SHISA9: variants seen among roughly 807,000 people sequenced by gnomAD.
SHISA9 encodes the protein protein shisa-9.
In SHISA9, 13 loss-of-function variants were observed where a neutral mutation model predicts 38.0. The ratio of observed to expected loss-of-function variants is 0.34; its 90% confidence interval spans 0.22 to 0.54. The LOEUF is 0.54. Among genes scored for constraint, SHISA9 ranks in the 20% least tolerant of loss-of-function variants. The probability of loss-of-function intolerance (pLI) is 0.91; values close to 1 mark genes in which losing one functional copy is unlikely to be tolerated. For missense variants in SHISA9, 538 were observed against 575.8 expected (o/e 0.93, Z 0.67); for synonymous variants, 275 against 242.0 (o/e 1.14, Z -1.27).
At chr16:12,922,701 A>G (rs1273169504) in intron 2 of SHISA9, among the ~76,000 whole-genome samples, 3 of 151,976 alleles carry the variant, frequency 2.0e-5, no homozygotes, top group Non-Finnish European at 4.4e-5. Flanking sequence ...TGTATTTTTA[A>G]TAGAGATGGA....
chr16:12,991,853 G>A (rs2072390636), intron 2 of SHISA9, among the ~76,000 whole-genome samples: 1 of 151,962 alleles, frequency 6.6e-6, no homozygotes, highest in South Asian at 2.1e-4. Context: ...TAATAGTCAT[G>A]CATTTATTTT....
the SHISA9 span, among the ~76,000 whole-genome samples, chr16:13,434,160 G>A: frequency 6.6e-6 from 1 of 152,160 alleles, no homozygotes; most frequent in Non-Finnish European, 1.5e-5. Flanking sequence ...CGGCACGGGA[G>A]AAAGATGGAG....
chr16:13,355,482 T>C, the SHISA9 span, among the ~76,000 whole-genome samples: 1 of 151,844 alleles, frequency 6.6e-6, no homozygotes, highest in African/African-American at 2.4e-5. Context: ...CAATGAGATA[T>C]AGCTGTAGCC....
the SHISA9 span, among the ~76,000 whole-genome samples, chr16:13,363,857 G>A: frequency 0.81 from 123,365 of 152,184 alleles, 50,165 homozygotes; most frequent in East Asian, 0.96. Context: ...AGAAGTAGTC[G>A]AAGAGTAGTC....
intron 2 of SHISA9, among the ~76,000 whole-genome samples, chr16:12,954,505 G>C (rs4780485): frequency 0.23 from 35,519 of 152,072 alleles, 4,582 homozygotes; most frequent in East Asian, 0.35. Context: ...GTTTGATGGA[G>C]GACAGGTTAT....
chr16:12,911,418 T>C (rs1285249975), intron 1 of SHISA9: 1 of 978,526 alleles, frequency 1.0e-6, no homozygotes, highest in Admixed American at 6.2e-5. Context: ...TGCACCCCAA[T>C]ATATGCACAT....
chr16:12,938,123 G>A (rs539505000), intron 2 of SHISA9, among the ~76,000 whole-genome samples: 1 of 152,214 alleles, frequency 6.6e-6, no homozygotes, highest in Non-Finnish European at 1.5e-5. Context: ...TGTCCTCAAA[G>A]CTTAGTGTAA....
chr16:13,469,302 CAG>C, the SHISA9 span, among the ~76,000 whole-genome samples: 750 of 46,426 alleles, frequency 0.016, 18 homozygotes, highest in African/African-American at 0.039. Context: ...GAAAGAAAGA[CAG>C]AGAGAGAGAG....
chr16:13,488,511 CT>C, the SHISA9 span, among the ~76,000 whole-genome samples: 1 of 152,080 alleles, frequency 6.6e-6, no homozygotes, highest in Non-Finnish European at 1.5e-5. Flanking sequence ...ATAGTATTCT[CT>C]TTTTACTGTA....
the SHISA9 span, among the ~76,000 whole-genome samples, chr16:13,509,432 A>T: frequency 7.9e-5 from 12 of 152,312 alleles, no homozygotes; most frequent in South Asian, 2.1e-4. Context: ...AATAAGGCAG[A>T]CATGTCCTGC....
chr16:13,310,562 C>A, the SHISA9 span, among the ~76,000 whole-genome samples: 15 of 152,110 alleles, frequency 9.9e-5, no homozygotes, highest in South Asian at 2.7e-3. Context: ...TAAAAGCCAT[C>A]ATGTTGAATC....
chr16:13,270,971 G>A, the SHISA9 span, among the ~76,000 whole-genome samples: 172 of 152,300 alleles, frequency 1.1e-3, no homozygotes, highest in Non-Finnish European at 2.1e-3. Flanking sequence ...TCTATAGCCT[G>A]ACTTGGGAAG....
chr16:13,170,263 T>A (rs912053472), intron 2 of SHISA9, among the ~76,000 whole-genome samples: 1 of 151,946 alleles, frequency 6.6e-6, no homozygotes, highest in Non-Finnish European at 1.5e-5. Flanking sequence ...CATTTATTTG[T>A]CCCTATGATA....
At chr16:13,544,477 A>G in the SHISA9 span, among the ~76,000 whole-genome samples, 2 of 117,352 alleles carry the variant, frequency 1.7e-5, no homozygotes, top group Non-Finnish European at 3.3e-5. Context: ...TCCACTTTGC[A>G]CGGACATGAC....
At chr16:13,341,506 G>A in the SHISA9 span, among the ~76,000 whole-genome samples, 1 of 152,008 alleles carries the variant, frequency 6.6e-6, no homozygotes, top group Non-Finnish European at 1.5e-5. Context: ...AATAACAGAG[G>A]CAATGATGAT....
At position 13,185,983 on chromosome 16, in the gene SHISA9, A is replaced by T. The variant is rs117042830; in HGVS notation, c.692-17411A>T. ...TTCCGCATGCCAAGCACTAAGGGTG[A>T]TATTCTCAGGACATATCTCATTTTA... On this transcript the variant is annotated intron_variant, in intron 2 of 4. Coordinates refer to ENST00000558583, the MANE Select transcript of SHISA9 (RefSeq NM_001145204.3). 5.1e-3 allele frequency among the ~76,000 whole-genome samples: 772 copies of T among 152,282 alleles called. 3 individuals carry two copies. Among genetic ancestry groups the T allele is most frequent in the Non-Finnish European group, 8.4e-3 (569 of 68,026 alleles).
intron 1 of SHISA9, among the ~76,000 whole-genome samples, chr16:12,907,789 C>T (rs949266900): frequency 5.9e-5 from 9 of 152,276 alleles, no homozygotes; most frequent in Non-Finnish European, 1.0e-4. Flanking sequence ...CTCATGAGAA[C>T]TCAGTGGGTC....
intron 2 of SHISA9, among the ~76,000 whole-genome samples, chr16:13,194,993 A>C (rs1297872418): frequency 6.6e-6 from 1 of 152,254 alleles, no homozygotes; most frequent in Admixed American, 6.5e-5. Flanking sequence ...GGATGACTTC[A>C]TGCTTAGGTC....
At chr16:13,001,859 G>A (rs77505355) in intron 2 of SHISA9, among the ~76,000 whole-genome samples, 5,283 of 152,268 alleles carry the variant, frequency 0.035, 302 homozygotes, top group African/African-American at 0.12. Flanking sequence ...GGGTTGATGA[G>A]TGGGTAGAGG....
Sources: gnomAD v4.1 joint callset for allele counts (sites outside exome capture counted in the v4.1 genomes callset) on GRCh38, gnomAD v4.1.1 for gene constraint, MANE v1.5 for transcripts, NCBI Gene and HGNC (gene_info 2026-07-23, HGNC 2026-07-21) for gene names.